Variants in PTPRN2 observed in about 807,000 individuals in gnomAD.
PTPRN2 encodes the protein receptor-type tyrosine-protein phosphatase N2.
PTPRN2 carries 74 observed loss-of-function variants against 118.8 expected under a neutral mutation model. That is an observed-to-expected ratio of 0.62 (90% confidence interval 0.52 to 0.76). PTPRN2 has a LOEUF of 0.76. PTPRN2 is among the 30% of genes least tolerant of loss of function. The pLI is 0.00. For synonymous variants in PTPRN2, 641 were observed against 608.0 expected, an observed-to-expected ratio of 1.05 and a Z score of -0.80; for missense variants, 1,481 against 1,394.4, an observed-to-expected ratio of 1.06 and a Z score of -0.99.
chr7:158,175,347 T>A (rs1045640771), intron 5 of PTPRN2, among the ~76,000 whole-genome samples: 2 of 152,176 alleles, frequency 1.3e-5, no homozygotes, highest in Non-Finnish European at 2.9e-5. Context: ...ACGCTGCAGC[T>A]CCGGCTCCGG....
intron 17 of PTPRN2, among the ~76,000 whole-genome samples, chr7:157,581,332 G>A (rs138196760): frequency 0.019 from 2,852 of 152,344 alleles, 59 homozygotes; most frequent in Middle Eastern, 0.034. Context: ...CCAGTGCAGC[G>A]TCCCCAGGCC....
intron 9 of PTPRN2, among the ~76,000 whole-genome samples, chr7:158,119,527 G>A (rs1816981374): frequency 6.6e-6 from 1 of 151,862 alleles, no homozygotes; most frequent in African/African-American, 2.4e-5. Flanking sequence ...TCCACTCCTT[G>A]GTATCTACAG....
chr7:157,569,568 G>A (rs1282332099), intron 20 of PTPRN2, among the ~76,000 whole-genome samples: 1 of 152,184 alleles, frequency 6.6e-6, no homozygotes, highest in Admixed American at 6.5e-5. Flanking sequence ...CATCCCACCA[G>A]CTATAATTGG....
chr7:157,919,805 A>G (rs1034627633), intron 11 of PTPRN2, among the ~76,000 whole-genome samples: 4 of 152,234 alleles, frequency 2.6e-5, no homozygotes, highest in Admixed American at 6.5e-5. Flanking sequence ...TCAGTGATGA[A>G]CCACATACAC....
intron 12 of PTPRN2, among the ~76,000 whole-genome samples, chr7:157,707,519 T>G (rs1798394789): frequency 6.6e-6 from 1 of 152,214 alleles, no homozygotes; most frequent in Admixed American, 6.5e-5. Context: ...GTTTAAAAGC[T>G]TCAGGGAAGA....
intron 2 of PTPRN2, among the ~76,000 whole-genome samples, chr7:158,401,892 G>C (rs1405861643): frequency 6.6e-6 from 1 of 152,092 alleles, no homozygotes; most frequent in African/African-American, 2.4e-5. Context: ...CCATAGAGAT[G>C]TCCACACTGC....
At chr7:158,071,331 A>ATGGTGGTGGAGGTGCTTG (rs1563390521) in intron 11 of PTPRN2, among the ~76,000 whole-genome samples, 1 of 51,576 alleles carries the variant, frequency 1.9e-5, no homozygotes, top group East Asian at 6.9e-4. Context: ...GGAGGTGCCC[A>ATGGTGGTGGAGGTGCTTG]TGGTGGTGGA....
intron 6 of PTPRN2, among the ~76,000 whole-genome samples, chr7:158,155,574 T>C (rs202247503): frequency 8.8e-4 from 2 of 2,268 alleles, no homozygotes; most frequent in Middle Eastern, 0.12. Flanking sequence ...ATTGCCATCA[T>C]CACCATCACC....
intron 12 of PTPRN2, among the ~76,000 whole-genome samples, chr7:157,707,096 T>TA: frequency 6.6e-6 from 1 of 152,334 alleles, no homozygotes; most frequent in Non-Finnish European, 1.5e-5. Flanking sequence ...TATTTTCTGA[T>TA]ACGCAGGTAC....
At chr7:158,289,603 C>G (rs949342289) in intron 3 of PTPRN2, among the ~76,000 whole-genome samples, 3 of 152,140 alleles carry the variant, frequency 2.0e-5, no homozygotes, top group African/African-American at 7.2e-5. Flanking sequence ...TCTTGAAGTT[C>G]ATGAACTTCC....
rs1489805648 is a variant in PTPRN2 at position 157,621,480 on chromosome 7, C to G, written c.2226G>C (p.Lys742Asn). ...LSYMEDHLKN[K>N]NRLEKEWEAL... ...CTTCCCACTCCTTCTCCAGCCGGTT[C>G]TTGTTCTTCAGGTGGTCCTCCATGT... Residue 742 changes from lysine to asparagine, a missense_variant, in exon 15 of 23, where the codon AAG becomes AAC. By Grantham distance (94) the Lys-to-Asn change is moderately conservative (BLOSUM62 0). Coordinates refer to ENST00000389418, the MANE Select transcript of PTPRN2 (RefSeq NM_002847.5). 6.2e-7 allele frequency: 1 copy of G among 1,613,844 alleles called. No individual in the cohort carries two copies. Among genetic ancestry groups the G allele is most frequent in the African/African-American group, 1.3e-5 (1 of 75,080 alleles).
At chr7:157,975,269 C>T (rs1474211464) in intron 11 of PTPRN2, among the ~76,000 whole-genome samples, 2 of 152,176 alleles carry the variant, frequency 1.3e-5, no homozygotes, top group African/African-American at 4.8e-5. Flanking sequence ...CGAGCATCTG[C>T]ACCCTGTATC....
intron 8 of PTPRN2, among the ~76,000 whole-genome samples, chr7:158,135,414 A>G (rs1189374208): frequency 6.6e-6 from 1 of 152,152 alleles, no homozygotes; most frequent in African/African-American, 2.4e-5. Flanking sequence ...TAATATTGTC[A>G]CTTAAATTGT....
chr7:158,184,324 C>T (rs1051560575), intron 5 of PTPRN2, among the ~76,000 whole-genome samples: 1 of 152,142 alleles, frequency 6.6e-6, no homozygotes, highest in African/African-American at 2.4e-5. Context: ...TTGTCTTACA[C>T]ATATTTTAGA....
At chr7:157,656,652 A>G in intron 13 of PTPRN2, 101 bp from the exon 14 acceptor site, 1 of 1,205,434 alleles carries the variant, frequency 8.3e-7, no homozygotes, top group Non-Finnish European at 1.2e-6. Flanking sequence ...TTCTCCTGCT[A>G]AGATCCAAGG....
intron 10 of PTPRN2, among the ~76,000 whole-genome samples, chr7:158,082,058 A>T (rs1812884049): frequency 1.3e-5 from 2 of 152,232 alleles, no homozygotes; most frequent in Admixed American, 6.5e-5. Flanking sequence ...GACTGACCCC[A>T]TGTCCACAGA....
At chr7:157,726,853 A>C (rs984458244) in intron 12 of PTPRN2, among the ~76,000 whole-genome samples, 2 of 152,146 alleles carry the variant, frequency 1.3e-5, no homozygotes, top group Non-Finnish European at 2.9e-5. Flanking sequence ...AAGTACTTGA[A>C]CACATGTTTC....
chr7:157,823,145 A>G (rs1806956363), intron 12 of PTPRN2, among the ~76,000 whole-genome samples: 1 of 151,746 alleles, frequency 6.6e-6, no homozygotes, highest in Admixed American at 6.6e-5. Flanking sequence ...ATGGAAGCAT[A>G]TATCCATCCA....
chr7:158,533,521 C>A (rs1242073477), intron 1 of PTPRN2, among the ~76,000 whole-genome samples: 1 of 152,218 alleles, frequency 6.6e-6, no homozygotes, highest in Non-Finnish European at 1.5e-5. Context: ...CTCCCGGAGG[C>A]ACCGCCAGGA....
Sources: allele counts gnomAD v4.1 joint callset (sites outside exome capture counted in the v4.1 genomes callset), GRCh38; gene constraint gnomAD v4.1.1; transcripts MANE v1.5; gene names NCBI Gene and HGNC (gene_info 2026-07-23, HGNC 2026-07-21).